Variants in VWDE observed in about 807,000 individuals in gnomAD.
The protein encoded by VWDE is von Willebrand factor D and EGF domain-containing protein.
A neutral mutation model predicts 178.4 loss-of-function variants in VWDE; 207 were observed. That is an observed-to-expected ratio of 1.16 (90% CI 1.04 to 1.30). VWDE has a LOEUF of 1.30. VWDE is among the 50% of genes most tolerant of loss of function. VWDE has a pLI of 0.00. For missense variants in VWDE, 2,287 were observed against 1,901.3 expected, an observed-to-expected ratio of 1.20 and a Z score of -3.77; for synonymous variants, 738 against 651.4, an observed-to-expected ratio of 1.13 and a Z score of -2.02.
chr7:12,331,544 T>A (rs952633320), intron 28 of VWDE, among the ~76,000 whole-genome samples: 1 of 152,170 alleles, frequency 6.6e-6, no homozygotes, highest in African/African-American at 2.4e-5. Context: ...TGAAGTGTCT[T>A]TCCCCATCCT....
intron 7 of VWDE, among the ~76,000 whole-genome samples, chr7:12,376,974 T>A (rs565497257): frequency 2.6e-5 from 4 of 152,124 alleles, no homozygotes; most frequent in Non-Finnish European, 5.9e-5. Flanking sequence ...GGTCTATAGA[T>A]ACCTTGTGTT....
In VWDE at chr7:12,403,638, C is replaced by A. The variant is rs965200522; in HGVS notation, c.58+21G>T. The stretch of plus-strand genomic sequence containing the variant: ...CGCGGCGCCACTGCGCGCCCACCCC[C>A]GCGCGCCCTACCTCGCTTACCTTCC... On this transcript the variant is annotated intron_variant, in intron 1 of 28. Transcript: ENST00000275358. 8.5e-6 allele frequency: 13 copies of A among 1,534,596 alleles called. No homozygotes were observed. In the African/African-American group the frequency reaches 1.5e-4, roughly 18 times the overall value.
chr7:12,380,643 G>C lies in VWDE; in HGVS notation c.632C>G (p.Ser211Cys), dbSNP rs201430222. The change falls in exon 5 of 29, where the codon TCT (serine) becomes TGT (cysteine). Residue 211 changes from serine to cysteine, a missense_variant. Transcript: ENST00000275358. ...GTTTTTTGTAGCGGGAACATCAAAAGAACACCTACAGAAAAGCCTGGACTC... is the reference window on the plus strand; with the variant it reads ...GTTTTTTGTAGCGGGAACATCAAAACAACACCTACAGAAAAGCCTGGACTC... ...LIESRLFCRC[S>C]FDVPATKNSV... 1.3e-3 allele frequency: 2,046 copies of C among 1,552,202 alleles called. 34 individuals carry two copies. In the South Asian group the frequency reaches 0.016, roughly 12 times the overall value.
chr7:12,356,066 C>T (rs769959778), intron 18 of VWDE, 45 bp downstream of exon 18: 9 of 1,486,794 alleles, frequency 6.1e-6, no homozygotes, highest in South Asian at 3.7e-5. Flanking sequence ...ATATGTGTTT[C>T]AAGGAGCTTT....
chr7:12,389,364 G>T lies in VWDE; in HGVS notation c.244-6C>A, dbSNP rs770085916. 5.2e-6 allele frequency: 8 copies of T among 1,529,646 alleles called. No homozygotes were observed. In the South Asian group the frequency reaches 9.6e-5, roughly 18 times the overall value. 94.8% of individuals were successfully genotyped at this position (1,529,646 alleles called of 1,614,324 possible). On this transcript the variant is annotated splice_region_variant and splice_polypyrimidine_tract_variant and intron_variant, in intron 2 of 28. Coordinates refer to ENST00000275358, the MANE Select transcript of VWDE (RefSeq NM_001135924.3). ...TGAGTTCCACAATGGTTCATCTTTT[G>T]CAGGAGAGAAAACAAAAGTTGAAAA...
intron 21 of VWDE, 65 bp downstream of exon 21, chr7:12,344,130 T>G: frequency 7.4e-7 from 1 of 1,353,136 alleles, no homozygotes; most frequent in East Asian, 2.5e-5. Context: ...TCTTGTAAAA[T>G]GGTTTTTAAA....
chr7:12,343,143 A>T lies in VWDE; in HGVS notation c.4114T>A (p.Cys1372Ser). 7 of 1,549,830 alleles carry T rather than the reference A, an allele frequency of 4.5e-6. No individual in the cohort carries two copies. Among genetic ancestry groups the T allele is most frequent in the Non-Finnish European group, 6.1e-6 (7 of 1,145,720 alleles). Residue 1372 changes from cysteine (C) to serine (S), a missense_variant, in exon 22 of 29, where the codon TGC (cysteine) becomes AGC (serine). By Grantham distance (112) the Cys-to-Ser change is moderately radical. Coordinates refer to ENST00000275358, the MANE Select transcript of VWDE (RefSeq NM_001135924.3). ...CAAGTGCAGAGATTCCCAGCCAAGC[A>T]TGTGCCACCATGTTGACAAGGTGGG... ...CNPPCQHGGT[C>S]LAGNLCTCPY...
intron 28 of VWDE, among the ~76,000 whole-genome samples, chr7:12,332,142 T>C (rs1780758310): frequency 6.6e-6 from 1 of 151,192 alleles, no homozygotes; most frequent in Non-Finnish European, 1.5e-5. Context: ...GAGAAATTTA[T>C]GTTTTAACCT....
At chr7:12,357,954 T>C (rs1051090948) in intron 16 of VWDE, among the ~76,000 whole-genome samples, 17 of 152,126 alleles carry the variant, frequency 1.1e-4, no homozygotes, top group African/African-American at 4.1e-4. Flanking sequence ...GACTGCTCCG[T>C]TTCTTTGGCT....
chr7:12,349,673 G>A (rs1214007945), intron 19 of VWDE, among the ~76,000 whole-genome samples: 1 of 151,172 alleles, frequency 6.6e-6, no homozygotes, highest in African/African-American at 2.4e-5. Flanking sequence ...AATAAAAAAG[G>A]CAAGCAAAAG....
Position 12,389,156 on chromosome 7 carries a change from G to C in VWDE, c.446C>G (p.Thr149Ser), listed in dbSNP as rs1025894550. The C allele has an allele frequency of 3.5e-5, 54 of 1,550,878 alleles. No individual in the cohort carries two copies. The highest frequency in any genetic ancestry group is 4.5e-5 in the Non-Finnish European group (52 of 1,146,006). ...CGCACAGTAGCCCATACATCCCTGA[G>C]TTGGTTGTAGTAAGTATACAGAAAA... ...GNFSVYLLQP[T>S]QGCMGYCAEA... Residue 149 changes from threonine to serine, a missense_variant, in exon 3 of 29, where the codon ACT becomes AGT. Thr to Ser is a moderately conservative substitution (Grantham distance 58, BLOSUM62 1). Transcript: ENST00000275358.
chr7:12,374,377 A>G (rs1465942144), intron 9 of VWDE, among the ~76,000 whole-genome samples: 2 of 152,072 alleles, frequency 1.3e-5, no homozygotes, highest in African/African-American at 4.8e-5. Flanking sequence ...TGCTATAAAC[A>G]TCTTTAGAGT....
rs1780682347 is a variant in VWDE, at chr7:12,330,916, T to A, written c.*267A>T. 8.2e-6 allele frequency: 3 copies of A among 367,420 alleles called. No homozygotes were observed. The highest frequency in any genetic ancestry group is 1.5e-5 in the Non-Finnish European group (3 of 202,796). 22.8% of individuals were successfully genotyped at this position (367,420 alleles called of 1,614,324 possible). A position where few individuals can be genotyped will look rare whatever the true frequency, so the allele number is the denominator to read the frequency against. On this transcript the variant is annotated 3_prime_UTR_variant, in exon 29 of 29. Coordinates refer to ENST00000275358, the MANE Select transcript of VWDE (RefSeq NM_001135924.3). ...CTGAGAAAATATTCAGTTTATTAAA[T>A]ATTGTGAATGGGTGGAATATCAGAT...
At chr7:12,343,055 T>G in intron 22 of VWDE, 28 bp downstream of exon 22, 1 of 1,507,804 alleles carries the variant, frequency 6.6e-7, no homozygotes, top group Non-Finnish European at 9.0e-7. Context: ...AGTTTCATTA[T>G]ATCAGACATC....
chr7:12,386,974 T>A (rs1399056062), intron 3 of VWDE, among the ~76,000 whole-genome samples: 1 of 152,116 alleles, frequency 6.6e-6, no homozygotes, highest in Non-Finnish European at 1.5e-5. Flanking sequence ...TGCCAATAAA[T>A]ACCTATTTGA....
intron 13 of VWDE, among the ~76,000 whole-genome samples, 196 bp from the exon 14 acceptor site, chr7:12,361,717 A>C (rs1782592369): frequency 6.6e-6 from 1 of 152,098 alleles, no homozygotes; most frequent in South Asian, 2.1e-4. Context: ...ATATGATGCA[A>C]ATTGCTCCCA....
At chr7:12,362,220 TACACACAC>T (rs61071248) in intron 13 of VWDE, among the ~76,000 whole-genome samples, 1 of 149,262 alleles carries the variant, frequency 6.7e-6, no homozygotes, top group African/African-American at 2.5e-5. Flanking sequence ...GAGACAAACA[TACACACAC>T]ACACACACAC....
At chr7:12,397,792 C>A (rs999930102) in intron 1 of VWDE, among the ~76,000 whole-genome samples, 17 of 151,958 alleles carry the variant, frequency 1.1e-4, no homozygotes, top group Non-Finnish European at 2.1e-4. Context: ...ATACAAATGG[C>A]CAACAAACAT....
In VWDE at chr7:12,393,589, C is replaced by G. The variant is rs146337520; in HGVS notation, c.243+5G>C. On this transcript the variant is annotated splice_donor_5th_base_variant and intron_variant, in intron 2 of 28. Transcript: ENST00000275358. ...TAACATGCAGTACTTAGGGAGTTGA[C>G]ATACCTCAACACATTTGGTTGGCAT... 5.4e-3 allele frequency: 8,325 copies of G among 1,540,750 alleles called. 652 individuals are homozygous for G. The Admixed American group carries it at 0.14, about 26-fold the overall frequency.
Sources: allele counts gnomAD v4.1 joint callset (sites outside exome capture counted in the v4.1 genomes callset), GRCh38; gene constraint gnomAD v4.1.1; transcripts MANE v1.5; gene names NCBI Gene and HGNC (gene_info 2026-07-23, HGNC 2026-07-21).